Variants in CTNNA3 observed in about 807,000 individuals in gnomAD.
The protein encoded by CTNNA3 is catenin alpha 3, also known as catenin alpha-3.
CTNNA3 carries 76 observed loss-of-function variants against 95.7 expected under a neutral mutation model. That is an observed-to-expected ratio of 0.79 (90% CI 0.66 to 0.96). The LOEUF is 0.96. Ranked by LOEUF, CTNNA3 falls within the 40% of genes least tolerant of loss-of-function variation. CTNNA3 has a pLI of 0.00. For synonymous variants in CTNNA3, 431 were observed against 374.4 expected, an observed-to-expected ratio of 1.15 and a Z score of -1.74; for missense variants, 1,191 against 1,089.8, an observed-to-expected ratio of 1.09 and a Z score of -1.31.
chr10:67,588,771 G>A (rs1842710900), intron 3 of CTNNA3, among the ~76,000 whole-genome samples: 1 of 151,440 alleles, frequency 6.6e-6, no homozygotes, highest in South Asian at 2.1e-4. Flanking sequence ...TATTTTACTA[G>A]GAATCTAAAA....
At chr10:67,751,671 G>T (rs544248658) in intron 1 of CTNNA3, among the ~76,000 whole-genome samples, 6 of 152,208 alleles carry the variant, frequency 3.9e-5, no homozygotes, top group African/African-American at 9.6e-5. Flanking sequence ...CCAACCATCA[G>T]AGAATACTAT....
At chr10:67,271,602 T>G (rs1034577632) in intron 5 of CTNNA3, among the ~76,000 whole-genome samples, 1 of 152,208 alleles carries the variant, frequency 6.6e-6, no homozygotes, top group African/African-American at 2.4e-5. Flanking sequence ...TAAAATCAGA[T>G]AGCTTGGAGC....
intron 11 of CTNNA3, among the ~76,000 whole-genome samples, chr10:66,469,463 G>C (rs989907387): frequency 3.3e-5 from 5 of 151,850 alleles, no homozygotes; most frequent in South Asian, 2.1e-4. Context: ...GAAAAATATG[G>C]AAGTATAGTA....
In CTNNA3 at chr10:66,801,553, A is replaced by C. The variant is rs74318696; in HGVS notation, c.1048-26029T>G. On this transcript the variant is annotated intron_variant, in intron 7 of 17. Transcript: ENST00000433211. ...AAATACACAAAGGTAAATGTAATAAAAAGTTTAAAACTTTACTCTGAAAAC... is the reference window on the plus strand; with the variant it reads ...AAATACACAAAGGTAAATGTAATAACAAGTTTAAAACTTTACTCTGAAAAC... 9.5e-3 allele frequency among the ~76,000 whole-genome samples: 1,440 copies of C among 151,756 alleles called. 26 individuals are homozygous for C. Among genetic ancestry groups the C allele is most frequent in the African/African-American group, 0.033 (1,361 of 41,512 alleles).
At position 66,912,031 on chromosome 10, in the gene CTNNA3, C is replaced by T. The variant is rs115095597; in HGVS notation, c.1048-136507G>A. Among the ~76,000 whole-genome samples, 880 of 152,218 alleles carry T rather than the reference C, an allele frequency of 5.8e-3. 10 individuals carry two copies. Among genetic ancestry groups the T allele is most frequent in the African/African-American group, 0.02 (840 of 41,554 alleles). On this transcript the variant is annotated intron_variant, in intron 7 of 17. Coordinates refer to ENST00000433211, the MANE Select transcript of CTNNA3 (RefSeq NM_013266.4). ...ATGACTTTAACTAAATAGAAAAAGTCTGGCCTCAAATATAGCCAATGAAGA... is the reference window on the plus strand; with the variant it reads ...ATGACTTTAACTAAATAGAAAAAGTTTGGCCTCAAATATAGCCAATGAAGA...
At chr10:67,471,086 G>T (rs979199531) in intron 5 of CTNNA3, among the ~76,000 whole-genome samples, 2 of 152,116 alleles carry the variant, frequency 1.3e-5, no homozygotes, top group South Asian at 4.1e-4. Flanking sequence ...CAAAGCACGG[G>T]GGGGTGGGGC....
intron 10 of CTNNA3, among the ~76,000 whole-genome samples, chr10:66,561,534 A>G (rs1459598294): frequency 4.6e-5 from 7 of 152,118 alleles, no homozygotes; most frequent in East Asian, 1.9e-4. Context: ...ATGTAAAGTG[A>G]TTGGGTAAGA....
At chr10:66,535,083 A>G (rs1841605454) in intron 10 of CTNNA3, among the ~76,000 whole-genome samples, 1 of 152,090 alleles carries the variant, frequency 6.6e-6, no homozygotes, top group African/African-American at 2.4e-5. Context: ...TGCACTACTT[A>G]TTGTAATAAT....
chr10:67,098,421 G>C (rs1858142764), intron 7 of CTNNA3: 1 of 152,052 alleles, frequency 6.6e-6, no homozygotes, highest in South Asian at 2.1e-4. Context: ...GTTCAGACTT[G>C]TAAGAGGTTC....
intron 5 of CTNNA3, among the ~76,000 whole-genome samples, chr10:67,458,633 C>T (rs1442794376): frequency 2.6e-5 from 4 of 152,028 alleles, no homozygotes; most frequent in South Asian, 2.1e-4. Context: ...AATCCCAGCG[C>T]TTTGGAAGGC....
intron 9 of CTNNA3, among the ~76,000 whole-genome samples, chr10:66,671,957 T>C (rs1398363552): frequency 6.6e-6 from 1 of 152,184 alleles, no homozygotes; most frequent in Non-Finnish European, 1.5e-5. Flanking sequence ...CTGGTTATTA[T>C]TCTTGAAGTG....
At chr10:67,136,684 C>T (rs1479211367) in intron 7 of CTNNA3, among the ~76,000 whole-genome samples, 1 of 152,144 alleles carries the variant, frequency 6.6e-6, no homozygotes, top group East Asian at 1.9e-4. Flanking sequence ...AAAAGTCTTT[C>T]AATTTGAAGG....
At position 66,927,565 on chromosome 10, in the gene CTNNA3, T is replaced by A; in HGVS notation, c.1048-152041A>T. The A allele has an allele frequency of 6.2e-7, 1 of 1,614,140 alleles. No homozygotes were observed. The highest frequency in any genetic ancestry group is 1.1e-5 in the South Asian group (1 of 91,084). On this transcript the variant is annotated intron_variant, in intron 7 of 17. Transcript: ENST00000433211. The surrounding 1 kb of genome is among the most constrained non-coding windows in gnomAD (Gnocchi z 4.7). ...AGAACTTCACCTGGAGCACAATCAATTTTCCAAGCTCAACCTGGCCCTTTT... is the reference window on the plus strand; with the variant it reads ...AGAACTTCACCTGGAGCACAATCAAATTTCCAAGCTCAACCTGGCCCTTTT...
chr10:66,081,643 T>C (rs538356709), intron 14 of CTNNA3, among the ~76,000 whole-genome samples: 1 of 152,210 alleles, frequency 6.6e-6, no homozygotes, highest in East Asian at 1.9e-4. Flanking sequence ...AATAACTAAA[T>C]GTGGGAGAAG....
chr10:67,698,996 C>G (rs944335064), upstream of CTNNA3, among the ~76,000 whole-genome samples: 1 of 152,044 alleles, frequency 6.6e-6, no homozygotes, highest in Non-Finnish European at 1.5e-5. Flanking sequence ...CCACTAACAC[C>G]GAGCCTCATC....
At chr10:66,818,000 G>A (rs889506639) in intron 7 of CTNNA3, among the ~76,000 whole-genome samples, 6 of 151,010 alleles carry the variant, frequency 4.0e-5, no homozygotes, top group African/African-American at 1.2e-4. Flanking sequence ...AAACTCAATC[G>A]ATCCCATAAA....
chr10:66,120,978 G>A (rs1254080347), intron 13 of CTNNA3, among the ~76,000 whole-genome samples: 1 of 152,114 alleles, frequency 6.6e-6, no homozygotes, highest in Non-Finnish European at 1.5e-5. Flanking sequence ...AGGTGCGAAG[G>A]CCAATGGTTT....
intron 17 of CTNNA3, among the ~76,000 whole-genome samples, chr10:65,926,559 C>T (rs894084985): frequency 2.6e-5 from 4 of 151,632 alleles, no homozygotes; most frequent in Non-Finnish European, 4.4e-5. Flanking sequence ...TCACTGCAAC[C>T]TCTGCCTCCC....
chr10:66,113,630 A>C (rs561260410), intron 13 of CTNNA3, among the ~76,000 whole-genome samples: 2 of 152,192 alleles, frequency 1.3e-5, no homozygotes, highest in Non-Finnish European at 2.9e-5. Flanking sequence ...ATTATTTATA[A>C]AATTTCAGTC....
Sources: allele counts gnomAD v4.1 joint callset (sites outside exome capture counted in the v4.1 genomes callset), GRCh38; gene constraint gnomAD v4.1.1; non-coding constraint Gnocchi (gnomAD v3.1); transcripts MANE v1.5; gene names NCBI Gene and HGNC (gene_info 2026-07-23, HGNC 2026-07-21).